Variants in SUPT3H observed in about 807,000 individuals in gnomAD.
SUPT3H encodes the protein SPT3 homolog, SAGA and STAGA complex component.
SUPT3H carries 44 observed loss-of-function variants against 44.3 expected under a neutral mutation model. The observed-to-expected ratio is 0.99, with a 90% CI of 0.78 to 1.28. The LOEUF (loss-of-function observed/expected upper bound fraction) is 1.28. Ranked by LOEUF, SUPT3H falls within the 50% of genes most tolerant of loss-of-function variation. The probability of loss-of-function intolerance (pLI) is 0.00; values close to 1 mark genes in which losing one functional copy is unlikely to be tolerated. For missense variants in SUPT3H, 380 were observed against 387.1 expected (o/e 0.98, Z 0.15); for synonymous variants, 124 against 125.6 (o/e 0.99, Z 0.09).
intron 2 of SUPT3H, among the ~76,000 whole-genome samples, chr6:45,174,604 T>G (rs529405890): frequency 6.6e-6 from 1 of 152,268 alleles, no homozygotes; most frequent in East Asian, 1.9e-4. Context: ...GCTTTCACTT[T>G]TATGAGCTAT....
intron 2 of SUPT3H, among the ~76,000 whole-genome samples, chr6:45,191,593 A>G (rs1450234761): frequency 6.6e-6 from 1 of 152,128 alleles, no homozygotes; most frequent in Non-Finnish European, 1.5e-5. Flanking sequence ...TATTGGCTCA[A>G]CAAATATAAT....
intron 6 of SUPT3H, among the ~76,000 whole-genome samples, chr6:44,977,650 T>C (rs1562182856): frequency 6.6e-6 from 1 of 152,134 alleles, no homozygotes; most frequent in African/African-American, 2.4e-5. Flanking sequence ...GTAAAATATA[T>C]TGCTAGAAAG....
At chr6:45,308,182 C>G (rs1783379723) in intron 2 of SUPT3H, among the ~76,000 whole-genome samples, 1 of 151,574 alleles carries the variant, frequency 6.6e-6, no homozygotes, top group African/African-American at 2.4e-5. Flanking sequence ...TTGGAAAACA[C>G]TCTGCAGGAG....
At chr6:44,935,231 A>G (rs948464912) in intron 9 of SUPT3H, among the ~76,000 whole-genome samples, 1 of 151,918 alleles carries the variant, frequency 6.6e-6, no homozygotes, top group Non-Finnish European at 1.5e-5. Context: ...CTAGTCCTTT[A>G]TCAAGGTGCT....
At chr6:45,299,259 C>T (rs1781769702) in intron 2 of SUPT3H, among the ~76,000 whole-genome samples, 1 of 150,990 alleles carries the variant, frequency 6.6e-6, no homozygotes, top group Non-Finnish European at 1.5e-5. Flanking sequence ...TCACTTGAAC[C>T]CAGGAGGCAG....
intron 2 of SUPT3H, among the ~76,000 whole-genome samples, chr6:45,184,337 T>C (rs554863975): frequency 6.6e-6 from 1 of 152,156 alleles, no homozygotes; most frequent in East Asian, 1.9e-4. Context: ...ACTCCTTTTT[T>C]TATAGGAAAA....
intron 6 of SUPT3H, among the ~76,000 whole-genome samples, chr6:44,967,442 C>T (rs1776926407): frequency 6.6e-6 from 1 of 152,192 alleles, no homozygotes; most frequent in Non-Finnish European, 1.5e-5. Flanking sequence ...ATACAACAAA[C>T]TCTCGGTACA....
At position 44,826,834 on chromosome 6, in the gene SUPT3H, T is replaced by C. The variant is rs1462491464; in HGVS notation, c.*2982A>G. ...TATAAAAACAAAGAACAGCAATAAA[T>C]GAAGGGTTCTCCCCAGATACAGGAA... is the stretch of plus-strand genomic sequence containing the variant. On this transcript the variant is annotated 3_prime_UTR_variant, in exon 11 of 11. Transcript: ENST00000371459. Among the ~76,000 whole-genome samples, 1 of 152,196 alleles carries C rather than the reference T, an allele frequency of 6.6e-6. No homozygotes were observed. The highest frequency in any genetic ancestry group is 1.5e-5 in the Non-Finnish European group (1 of 68,006).
At chr6:45,195,017 T>C (rs1815778627) in intron 2 of SUPT3H, among the ~76,000 whole-genome samples, 1 of 152,152 alleles carries the variant, frequency 6.6e-6, no homozygotes, top group Non-Finnish European at 1.5e-5. Context: ...TGAATCTAAT[T>C]CTTGAGAGTT....
intron 10 of SUPT3H, among the ~76,000 whole-genome samples, chr6:44,888,020 A>C (rs1397615770): frequency 1.3e-5 from 2 of 152,236 alleles, no homozygotes; most frequent in Admixed American, 1.3e-4. Context: ...AAAATCTAGA[A>C]TGGATAAATT....
intron 2 of SUPT3H, among the ~76,000 whole-genome samples, chr6:45,195,713 T>C (rs900439577): frequency 2.0e-5 from 3 of 152,192 alleles, no homozygotes; most frequent in Non-Finnish European, 2.9e-5. Context: ...ATTTTTATAT[T>C]TGTTCATATT....
At chr6:45,108,107 T>C (rs1799526335) in intron 2 of SUPT3H, among the ~76,000 whole-genome samples, 1 of 152,182 alleles carries the variant, frequency 6.6e-6, no homozygotes. Flanking sequence ...AAGATAAGCA[T>C]TAACACAATG....
intron 5 of SUPT3H, among the ~76,000 whole-genome samples, chr6:45,009,945 T>C (rs1000100430): frequency 6.6e-6 from 1 of 151,542 alleles, no homozygotes; most frequent in African/African-American, 2.4e-5. Context: ...GTATTAACAC[T>C]TTAATAATAC....
chr6:45,086,660 GCTT>G (rs1211967602), intron 3 of SUPT3H, among the ~76,000 whole-genome samples: 1 of 151,772 alleles, frequency 6.6e-6, no homozygotes, highest in Non-Finnish European at 1.5e-5. Context: ...AAAACTCTAG[GCTT>G]CTTAGAGTTT....
chr6:44,990,540 C>G (rs1323066895), intron 6 of SUPT3H, among the ~76,000 whole-genome samples: 1 of 151,784 alleles, frequency 6.6e-6, no homozygotes, highest in African/African-American at 2.4e-5. Flanking sequence ...TTCTTCCCCT[C>G]TAAATCATAT....
chr6:45,026,696 T>C (rs1010390643), intron 3 of SUPT3H, among the ~76,000 whole-genome samples: 3 of 152,282 alleles, frequency 2.0e-5, no homozygotes, highest in Non-Finnish European at 4.4e-5. Context: ...ACCAACATAT[T>C]TGAAATAAGC....
At chr6:45,092,586 C>A (rs1356559608) in intron 3 of SUPT3H, among the ~76,000 whole-genome samples, 1 of 151,784 alleles carries the variant, frequency 6.6e-6, no homozygotes, top group Non-Finnish European at 1.5e-5. Flanking sequence ...CCTGCCTCTA[C>A]TAAAAATACA....
At chr6:44,970,688 T>C (rs1180180586) in intron 6 of SUPT3H, among the ~76,000 whole-genome samples, 1 of 152,044 alleles carries the variant, frequency 6.6e-6, no homozygotes, top group Non-Finnish European at 1.5e-5. Context: ...TTCTCAGAGG[T>C]TTACATAATA....
chr6:45,129,384 A>T lies in SUPT3H; in HGVS notation c.102-23378T>A, dbSNP rs115468925. 5.9e-3 allele frequency among the ~76,000 whole-genome samples: 898 copies of T among 152,368 alleles called. 5 individuals carry two copies. The highest frequency in any genetic ancestry group is 0.019 in the African/African-American group (807 of 41,586). ...CCCATTAATGAAAAAGGCTTAGTATAGGATATTGAAGATCTGGAATCAAGT... is the reference window on the plus strand; with the variant it reads ...CCCATTAATGAAAAAGGCTTAGTATTGGATATTGAAGATCTGGAATCAAGT... On this transcript the variant is annotated intron_variant, in intron 2 of 10. Coordinates refer to ENST00000371459, the MANE Select transcript of SUPT3H (RefSeq NM_003599.4).
Sources: gnomAD v4.1 joint callset for allele counts (sites outside exome capture counted in the v4.1 genomes callset) on GRCh38, gnomAD v4.1.1 for gene constraint, MANE v1.5 for transcripts, NCBI Gene and HGNC (gene_info 2026-07-23, HGNC 2026-07-21) for gene names.